Variants in GREB1L observed in about 807,000 individuals in gnomAD.
GREB1L encodes GREB1 like retinoic acid receptor coactivator.
Under a neutral mutation model 200.8 loss-of-function variants are expected in GREB1L, and 17 were observed. That is an observed-to-expected ratio of 0.08 (90% CI 0.06 to 0.13). The LOEUF is 0.13. GREB1L is among the 10% of genes least tolerant of loss of function. The pLI, the probability that GREB1L is intolerant of heterozygous loss-of-function variation, is 1.00. For missense variants in GREB1L, 1,657 were observed against 2,367.7 expected, an observed-to-expected ratio of 0.70 and a Z score of 6.23; for synonymous variants, 789 against 893.0, an observed-to-expected ratio of 0.88 and a Z score of 2.08.
intron 1 of GREB1L, among the ~76,000 whole-genome samples, chr18:21,268,560 C>CACACACATATATATAT (rs1204514384): frequency 7.9e-5 from 5 of 63,532 alleles, no homozygotes; most frequent in African/African-American, 3.0e-4. Context: ...CACACACACA[C>CACACACATATATATAT]ATATATATAT....
chr18:21,419,008 T>C (rs2031908234), intron 7 of GREB1L, among the ~76,000 whole-genome samples: 1 of 152,240 alleles, frequency 6.6e-6, no homozygotes, highest in Admixed American at 6.5e-5. Context: ...TATTTAGATA[T>C]GTTTAGATAC....
intron 1 of GREB1L, among the ~76,000 whole-genome samples, chr18:21,294,322 G>A (rs1386435151): frequency 8.5e-5 from 13 of 152,102 alleles, no homozygotes; most frequent in Admixed American, 8.5e-4. Flanking sequence ...ACAATTCAGG[G>A]TGTGATGTAT....
At chr18:21,271,541 AC>A (rs532811893) in intron 1 of GREB1L, among the ~76,000 whole-genome samples, 190 of 151,386 alleles carry the variant, frequency 1.3e-3, no homozygotes, top group Non-Finnish European at 2.3e-3. Flanking sequence ...AGTCCCAGGT[AC>A]TTGGGAGGCT....
chr18:21,470,113 C>T (rs1264947399), intron 15 of GREB1L, among the ~76,000 whole-genome samples: 2 of 151,812 alleles, frequency 1.3e-5, no homozygotes, highest in African/African-American at 4.8e-5. Context: ...AGTGAGACCC[C>T]CATTTCTATT....
chr18:21,429,481 T>A (rs1457539032), intron 7 of GREB1L, among the ~76,000 whole-genome samples: 1 of 151,508 alleles, frequency 6.6e-6, no homozygotes, highest in Non-Finnish European at 1.5e-5. Flanking sequence ...TAGCTGGAAT[T>A]ATAGGTGCAA....
chr18:21,297,135 A>C (rs1160494660), intron 1 of GREB1L, among the ~76,000 whole-genome samples: 2 of 152,202 alleles, frequency 1.3e-5, no homozygotes, highest in Non-Finnish European at 2.9e-5. Context: ...CCATTCCCAG[A>C]CCCAGGGAAA....
intron 1 of GREB1L, among the ~76,000 whole-genome samples, chr18:21,280,659 CT>C (rs971785390): frequency 6.6e-6 from 1 of 152,030 alleles, no homozygotes; most frequent in African/African-American, 2.4e-5. Context: ...TGTTTAAACA[CT>C]TTTTTTCTCC....
At chr18:21,476,766 A>G (rs1048348898) in intron 16 of GREB1L, among the ~76,000 whole-genome samples, 1 of 150,352 alleles carries the variant, frequency 6.7e-6, no homozygotes, top group Non-Finnish European at 1.5e-5. Context: ...TTTAATAGAG[A>G]CGGGGTTTCA....
intron 7 of GREB1L, among the ~76,000 whole-genome samples, chr18:21,428,842 C>T (rs1367916157): frequency 6.6e-6 from 1 of 151,224 alleles, no homozygotes. Flanking sequence ...CTCAGCCTCC[C>T]GAGTTGCTGA....
At position 21,525,012 on chromosome 18, in the gene GREB1L, G is replaced by GTGTATATATATATATATATATATA. The variant is rs55641891; in HGVS notation, c.*2192_*2193insGTATATATATATATATATATATAT. On this transcript the variant is annotated 3_prime_UTR_variant, in exon 33 of 33. Transcript: ENST00000424526. ...AAGCACAGGACACCATGATTTGTGT[G>GTGTATATATATATATATATATATA]TATATATATATATATCCTAGTGTGT... 2.6e-3 allele frequency: 379 copies of GTGTATATATATATATATATATATA among 145,152 alleles called. 2 individuals are homozygous for GTGTATATATATATATATATATATA. The highest frequency in any genetic ancestry group is 4.9e-3 in the South Asian group (22 of 4,534). 9.0% of individuals were successfully genotyped at this position (145,152 alleles called of 1,614,324 possible). A position where few individuals can be genotyped will look rare whatever the true frequency, so the allele number is the denominator to read the frequency against.
At chr18:21,382,709 G>A (rs1001420904) in intron 2 of GREB1L, among the ~76,000 whole-genome samples, 2 of 151,816 alleles carry the variant, frequency 1.3e-5, no homozygotes, top group African/African-American at 2.4e-5. Context: ...CAGGCTGGTC[G>A]CAATCTCCTG....
chr18:21,486,479 T>TA (rs1316987438), intron 18 of GREB1L, among the ~76,000 whole-genome samples: 1 of 152,128 alleles, frequency 6.6e-6, no homozygotes, highest in African/African-American at 2.4e-5. Flanking sequence ...GATGATTCAG[T>TA]AAAAACTAAA....
chr18:21,461,508 C>A (rs935406041), intron 15 of GREB1L, among the ~76,000 whole-genome samples: 1 of 152,178 alleles, frequency 6.6e-6, no homozygotes, highest in Non-Finnish European at 1.5e-5. Flanking sequence ...CCTCACAGCA[C>A]CCTTGCCCGT....
chr18:21,338,087 ATC>A (rs1393300220), intron 1 of GREB1L, among the ~76,000 whole-genome samples: 1 of 152,164 alleles, frequency 6.6e-6, no homozygotes, highest in Non-Finnish European at 1.5e-5. Flanking sequence ...CACAATTTTG[ATC>A]TCTCTCTTAA....
intron 2 of GREB1L, among the ~76,000 whole-genome samples, chr18:21,369,073 G>A (rs2039777486): frequency 6.6e-6 from 1 of 152,174 alleles, no homozygotes; most frequent in Non-Finnish European, 1.5e-5. Context: ...AGCATCAGAT[G>A]AAATTTGGAA....
chr18:21,396,170 G>A (rs571119906), intron 5 of GREB1L, among the ~76,000 whole-genome samples: 5 of 151,262 alleles, frequency 3.3e-5, no homozygotes, highest in East Asian at 1.9e-4. Flanking sequence ...TCAGCCTCCC[G>A]AGTAGCTGGG....
In GREB1L at chr18:21,245,033, A is replaced by C. The variant is rs145373808; in HGVS notation, c.-120+2640A>C. 7.2e-5 allele frequency among the ~76,000 whole-genome samples: 11 copies of C among 152,308 alleles called. No individual in the cohort carries two copies. In the East Asian group the frequency reaches 2.1e-3, roughly 29 times the overall value. Reference sequence around the variant, plus strand: ...CTTGATAAATATTCACCTAGGGAGTATGTTCTTATTAGGAAACTTCTAATT... The same window carrying C: ...CTTGATAAATATTCACCTAGGGAGTCTGTTCTTATTAGGAAACTTCTAATT... On this transcript the variant is annotated intron_variant, in intron 1 of 32. Coordinates refer to ENST00000424526, the MANE Select transcript of GREB1L (RefSeq NM_001142966.3).
chr18:21,491,143 T>C (rs2036317666), intron 19 of GREB1L, among the ~76,000 whole-genome samples: 1 of 152,160 alleles, frequency 6.6e-6, no homozygotes, highest in Admixed American at 6.5e-5. Flanking sequence ...AGAAAGCATT[T>C]AATCAAATAT....
At chr18:21,263,938 A>C (rs942043534) in intron 1 of GREB1L, among the ~76,000 whole-genome samples, 6 of 152,176 alleles carry the variant, frequency 3.9e-5, no homozygotes, top group Non-Finnish European at 5.9e-5. Context: ...TTCACTTCTG[A>C]AGTTATAGGA....
Sources: gnomAD v4.1 joint callset for allele counts (sites outside exome capture counted in the v4.1 genomes callset) on GRCh38, gnomAD v4.1.1 for gene constraint, MANE v1.5 for transcripts, NCBI Gene and HGNC (gene_info 2026-07-23, HGNC 2026-07-21) for gene names.